Variants in CAMKMT observed in about 807,000 individuals in gnomAD.
The protein encoded by CAMKMT is CaM KMT.
In CAMKMT, 53 loss-of-function variants were observed where a neutral mutation model predicts 48.0. That is an observed-to-expected ratio of 1.10 (90% CI 0.89 to 1.39). CAMKMT has a LOEUF of 1.39. Among genes scored for constraint, CAMKMT ranks in the 40% most tolerant of loss-of-function variants. The pLI, the probability that CAMKMT is intolerant of heterozygous loss-of-function variation, is 0.00. For synonymous variants in CAMKMT, 165 were observed against 152.3 expected (o/e 1.08, Z -0.61); for missense variants, 428 against 402.7 (o/e 1.06, Z -0.54).
chr2:44,739,530 A>G (rs112120641), intron 7 of CAMKMT, among the ~76,000 whole-genome samples: 18 of 152,344 alleles, frequency 1.2e-4, no homozygotes, highest in African/African-American at 4.3e-4. Context: ...TGAGATGTCT[A>G]GTAGATACCC....
intron 3 of CAMKMT, among the ~76,000 whole-genome samples, chr2:44,400,161 A>G (rs17608220): frequency 0.034 from 5,254 of 152,316 alleles, 406 homozygotes; most frequent in East Asian, 0.33. Context: ...TATGTTCTAT[A>G]TAATGGAGAG....
intron 3 of CAMKMT, among the ~76,000 whole-genome samples, chr2:44,610,800 T>C (rs13020109): frequency 6.6e-6 from 1 of 152,206 alleles, no homozygotes; most frequent in Non-Finnish European, 1.5e-5. Flanking sequence ...CAGAATATTG[T>C]ACATATTTCA....
intron 3 of CAMKMT, among the ~76,000 whole-genome samples, chr2:44,615,115 AG>A (rs1671814526): frequency 1.3e-5 from 2 of 151,328 alleles, no homozygotes; most frequent in Non-Finnish European, 2.9e-5. Flanking sequence ...TTTTAGAGAT[AG>A]GGTCTTGCTA....
At chr2:44,704,773 C>G (rs886577935) in intron 4 of CAMKMT, among the ~76,000 whole-genome samples, 8 of 151,400 alleles carry the variant, frequency 5.3e-5, no homozygotes, top group African/African-American at 1.7e-4. Context: ...TACCTCACAG[C>G]TATTATTTAA....
chr2:44,683,942 T>C (rs1338256197), intron 3 of CAMKMT, among the ~76,000 whole-genome samples: 4 of 152,142 alleles, frequency 2.6e-5, no homozygotes, highest in Non-Finnish European at 5.9e-5. Flanking sequence ...TTGTTTTTCA[T>C]GTCACTAATG....
In CAMKMT at chr2:44,368,960, T is replaced by C. The variant is rs989139079; in HGVS notation, c.139-3756T>C. On this transcript the variant is annotated intron_variant, in intron 1 of 10. Coordinates refer to ENST00000378494, the MANE Select transcript of CAMKMT (RefSeq NM_024766.5). ...TCTGGCTCAAACAATTCTCATGCCT[T>C]CTGTGCCTTCTGCCTCCCAGGCTCA... Among the ~76,000 whole-genome samples the C allele has an allele frequency of 1.5e-4, 23 of 152,076 alleles. 1 individual carries two copies. Among genetic ancestry groups the C allele is most frequent in the Admixed American group, 1.4e-3 (22 of 15,276 alleles).
At chr2:44,694,644 C>T (rs1357731570) in intron 3 of CAMKMT, among the ~76,000 whole-genome samples, 3 of 152,222 alleles carry the variant, frequency 2.0e-5, no homozygotes, top group Admixed American at 2.0e-4. Flanking sequence ...TTAAGTAGAT[C>T]ACATTGCCAG....
At chr2:44,460,809 A>G (rs553484314) in intron 3 of CAMKMT, among the ~76,000 whole-genome samples, 6 of 138,340 alleles carry the variant, frequency 4.3e-5, no homozygotes, top group Admixed American at 2.5e-4. Flanking sequence ...TGCAACCTCC[A>G]CTTCCCAGGT....
In CAMKMT at chr2:44,558,373, C is replaced by T. The variant is rs145495970; in HGVS notation, c.377-145910C>T. ...GTTTTCTAAGAGCTCTATTGCATTG[C>T]CCCAGTTTCCTTGGTACTTGCTAAG... On this transcript the variant is annotated intron_variant, in intron 3 of 10. Coordinates refer to ENST00000378494, the MANE Select transcript of CAMKMT (RefSeq NM_024766.5). 1.7e-3 allele frequency among the ~76,000 whole-genome samples: 252 copies of T among 152,186 alleles called. 2 individuals are homozygous for T. Among genetic ancestry groups the T allele is most frequent in the African/African-American group, 5.6e-3 (232 of 41,526 alleles).
At chr2:44,367,489 T>C (rs1308360238) in intron 1 of CAMKMT, among the ~76,000 whole-genome samples, 1 of 152,214 alleles carries the variant, frequency 6.6e-6, no homozygotes, top group Non-Finnish European at 1.5e-5. Context: ...AACAAATGAA[T>C]TTCATGTTTA....
chr2:44,381,164 A>G (rs1392290652), intron 2 of CAMKMT, among the ~76,000 whole-genome samples: 1 of 152,202 alleles, frequency 6.6e-6, no homozygotes, highest in Non-Finnish European at 1.5e-5. Flanking sequence ...CATCTCAAAA[A>G]AGAAATAATG....
chr2:44,387,199 T>C (rs186533051), intron 2 of CAMKMT, among the ~76,000 whole-genome samples: 23 of 152,294 alleles, frequency 1.5e-4, no homozygotes, highest in African/African-American at 5.5e-4. Context: ...GGAGCTCCAG[T>C]GTTAGGTACA....
At chr2:44,684,357 G>T (rs1676212202) in intron 3 of CAMKMT, among the ~76,000 whole-genome samples, 1 of 152,176 alleles carries the variant, frequency 6.6e-6, no homozygotes. Context: ...TAATTGTGGT[G>T]TCAAGTTCAG....
chr2:44,432,360 C>A (rs1423115223), intron 3 of CAMKMT, among the ~76,000 whole-genome samples: 1 of 152,172 alleles, frequency 6.6e-6, no homozygotes, highest in African/African-American at 2.4e-5. Context: ...AAACTCTCAA[C>A]CCCTGACCAG....
chr2:44,682,245 TA>T (rs756080011), intron 3 of CAMKMT, among the ~76,000 whole-genome samples: 9 of 152,224 alleles, frequency 5.9e-5, no homozygotes, highest in Non-Finnish European at 1.2e-4. Flanking sequence ...ATGAAATGTG[TA>T]ACATTTTTCA....
At chr2:44,500,564 T>G (rs1322277297) in intron 3 of CAMKMT, among the ~76,000 whole-genome samples, 1 of 152,090 alleles carries the variant, frequency 6.6e-6, no homozygotes, top group Non-Finnish European at 1.5e-5. Flanking sequence ...GTTGATTAGA[T>G]CATAAAAATT....
intron 6 of CAMKMT, 33 bp downstream of exon 6, chr2:44,707,495 G>A (rs1180628214): frequency 6.3e-7 from 1 of 1,580,890 alleles, no homozygotes; most frequent in Non-Finnish European, 8.7e-7. Context: ...CGGGTTTGTT[G>A]TGCTCATTCC....
chr2:44,655,723 A>T (rs780409675), intron 3 of CAMKMT, among the ~76,000 whole-genome samples: 1 of 152,120 alleles, frequency 6.6e-6, no homozygotes, highest in Non-Finnish European at 1.5e-5. Context: ...GAGCTATCCA[A>T]TTAGAAAAGG....
chr2:44,537,994 T>A (rs1046534630), intron 3 of CAMKMT, among the ~76,000 whole-genome samples: 4 of 152,166 alleles, frequency 2.6e-5, no homozygotes, highest in Admixed American at 6.5e-5. Flanking sequence ...AAAAGGCACA[T>A]GCACACATGT....
Sources: gnomAD v4.1 joint callset for allele counts (sites outside exome capture counted in the v4.1 genomes callset) on GRCh38, gnomAD v4.1.1 for gene constraint, MANE v1.5 for transcripts, NCBI Gene and HGNC (gene_info 2026-07-23, HGNC 2026-07-21) for gene names.